The following ADAM32 variants were observed in gnomAD, a reference collection of about 807,000 sequenced individuals.
The protein encoded by ADAM32 is disintegrin and metalloproteinase domain-containing protein 32.
ADAM32 carries 89 observed loss-of-function variants against 114.9 expected under a neutral mutation model. That is an observed-to-expected ratio of 0.77 (90% CI 0.65 to 0.92). The LOEUF (loss-of-function observed/expected upper bound fraction) is 0.92, where lower values mean the gene tolerates loss of function less well. ADAM32 is among the 40% of genes least tolerant of loss of function. The pLI is 0.00. For missense variants in ADAM32, 870 were observed against 932.8 expected, an observed-to-expected ratio of 0.93 and a Z score of 0.88; for synonymous variants, 285 against 307.5, an observed-to-expected ratio of 0.93 and a Z score of 0.77.
intron 6 of ADAM32, among the ~76,000 whole-genome samples, chr8:39,154,802 CT>C (rs894376155): frequency 2.0e-5 from 3 of 149,710 alleles, no homozygotes; most frequent in African/African-American, 7.4e-5. Context: ...GGATGATGAG[CT>C]TTTTTTTTCA....
rs934460943 is a variant in ADAM32 at position 39,275,986 on chromosome 8, T to C, written c.2279+120T>C. Reference sequence around the variant, plus strand: ...AACTGAGTAGCCACAATTAGTAAAGTACTGTACCTTAAAACAACCTATTTG... The same window carrying C: ...AACTGAGTAGCCACAATTAGTAAAGCACTGTACCTTAAAACAACCTATTTG... On this transcript the variant is annotated intron_variant, in intron 22 of 24. Transcript: ENST00000379907. 1.9e-5 allele frequency: 17 copies of C among 890,612 alleles called. No homozygotes were observed. The African/African-American group carries it at 2.1e-4, about 11-fold the overall frequency. 55.2% of individuals were successfully genotyped at this position (890,612 alleles called of 1,614,324 possible). A position where few individuals can be genotyped will look rare whatever the true frequency, so the allele number is the denominator to read the frequency against.
rs1247207999 is a variant in ADAM32, at chr8:39,223,136, A to C, written c.1423A>C (p.Ile475Leu). ...NGTSPECGPDITLINGLSCKN... is the reference protein window; with the variant it reads ...NGTSPECGPDLTLINGLSCKN... ...AACCTCACCAGAATGTGGTCCTGAC[A>C]TAACTTTAATCAATGGACTTTCATG... Residue 475 changes from isoleucine to leucine, a missense_variant, in exon 14 of 25, where the codon ATA becomes CTA. Transcript: ENST00000379907. The C allele has an allele frequency of 4.4e-6, 7 of 1,599,536 alleles. No individual in the cohort carries two copies. The highest frequency in any genetic ancestry group is 6.0e-6 in the Non-Finnish European group (7 of 1,173,058).
At chr8:39,191,645 A>G (rs1806619142) in intron 11 of ADAM32, among the ~76,000 whole-genome samples, 1 of 152,122 alleles carries the variant, frequency 6.6e-6, no homozygotes, top group Admixed American at 6.5e-5. Flanking sequence ...GATGCTGGAT[A>G]TTAGACCTTT....
intron 11 of ADAM32, 42 bp from the exon 12 acceptor site, chr8:39,211,102 C>A: frequency 7.4e-7 from 1 of 1,344,708 alleles, no homozygotes. Flanking sequence ...AATGTGTTTC[C>A]AGAAGTATAC....
intron 19 of ADAM32, among the ~76,000 whole-genome samples, chr8:39,269,146 C>CT (rs1812552095): frequency 1.3e-5 from 2 of 152,192 alleles, no homozygotes; most frequent in Admixed American, 6.5e-5. Context: ...GTGTTCTGCC[C>CT]TGTGAACCCT....
chr8:39,222,593 T>TGGGA (rs1809049613), intron 13 of ADAM32, among the ~76,000 whole-genome samples: 1 of 152,150 alleles, frequency 6.6e-6, no homozygotes. Context: ...GCATTTTTAA[T>TGGGA]AACACTTCTG....
In ADAM32 at chr8:39,126,122, G is replaced by A. The variant is rs138735528; in HGVS notation, c.138+7957G>A. The stretch of plus-strand genomic sequence containing the variant: ...GCCTTCAGCTTCGTTCTTCTTGCTC[G>A]AGTTCGGGTCTTGGCTATTTGGGCT... On this transcript the variant is annotated intron_variant, in intron 2 of 24. Coordinates refer to ENST00000379907, the MANE Select transcript of ADAM32 (RefSeq NM_145004.7). Among the ~76,000 whole-genome samples the A allele has an allele frequency of 1.6e-3, 248 of 151,910 alleles. 2 individuals are homozygous for A. Among genetic ancestry groups the A allele is most frequent in the African/African-American group, 5.8e-3 (239 of 41,502 alleles).
rs553443838 is a variant in ADAM32 at position 39,283,867 on chromosome 8, G to A, written c.2357+243G>A. ...CAGCTCACTGCAACCTCAGCCTCCC[G>A]CGTTCAAGCGATTCTCCTGCCTCAG... On this transcript the variant is annotated intron_variant, in intron 24 of 24. Transcript: ENST00000379907. Among the ~76,000 whole-genome samples the A allele has an allele frequency of 2.1e-4, 31 of 147,020 alleles. 1 individual carries two copies. The highest frequency in any genetic ancestry group is 6.6e-4 in the South Asian group (3 of 4,556).
At chr8:39,227,227 C>T (rs1240995766) in intron 14 of ADAM32, among the ~76,000 whole-genome samples, 1 of 152,190 alleles carries the variant, frequency 6.6e-6, no homozygotes, top group Non-Finnish European at 1.5e-5. Context: ...TCCCTTCCTC[C>T]TCTCCTGAAC....
chr8:39,201,350 G>A (rs185190177), intron 11 of ADAM32, among the ~76,000 whole-genome samples: 60 of 152,260 alleles, frequency 3.9e-4, no homozygotes, highest in African/African-American at 1.4e-3. Context: ...CACATCCCCT[G>A]TAAGTTGGAT....
chr8:39,270,067 G>A lies in ADAM32; in HGVS notation c.2163-809G>A, dbSNP rs564173044. On this transcript the variant is annotated intron_variant, in intron 19 of 24. Transcript: ENST00000379907. ...GAAAGGCATGGGGGAAACCACTACC[G>A]TGATTCAATTACTTCCACCTGGTCT... is the stretch of plus-strand genomic sequence containing the variant. 1.3e-4 allele frequency among the ~76,000 whole-genome samples: 20 copies of A among 152,298 alleles called. No individual in the cohort carries two copies. The East Asian group carries it at 2.7e-3, about 21-fold the overall frequency.
intron 1 of ADAM32, among the ~76,000 whole-genome samples, chr8:39,115,588 G>T (rs77981639): frequency 0.036 from 5,055 of 142,032 alleles, 292 homozygotes; most frequent in African/African-American, 0.12. Flanking sequence ...TTTTTAATGG[G>T]TTTTTTTTTT....
intron 2 of ADAM32, among the ~76,000 whole-genome samples, chr8:39,134,644 T>C (rs573788320): frequency 6.6e-6 from 1 of 152,304 alleles, no homozygotes; most frequent in South Asian, 2.1e-4. Flanking sequence ...TAGTAAATTA[T>C]CTCATGGCCT....
chr8:39,238,879 A>T (rs1010533138), intron 16 of ADAM32, among the ~76,000 whole-genome samples: 1 of 151,988 alleles, frequency 6.6e-6, no homozygotes, highest in African/African-American at 2.4e-5. Flanking sequence ...CAAAAAAAAT[A>T]AAAAATAAAA....
chr8:39,197,954 C>T (rs1807120939), intron 11 of ADAM32, among the ~76,000 whole-genome samples: 2 of 152,082 alleles, frequency 1.3e-5, no homozygotes, highest in Non-Finnish European at 2.9e-5. Context: ...GGGTCTATTT[C>T]TCTGTTTACT....
chr8:39,152,710 G>A (rs1249425474), intron 6 of ADAM32, among the ~76,000 whole-genome samples: 1 of 141,916 alleles, frequency 7.0e-6, no homozygotes. Context: ...GACAGGGCAA[G>A]ACTCCATCTC....
intron 22 of ADAM32, among the ~76,000 whole-genome samples, chr8:39,276,565 C>G (rs936059821): frequency 1.3e-5 from 2 of 152,138 alleles, no homozygotes; most frequent in African/African-American, 4.8e-5. Flanking sequence ...GCTCCAAGCC[C>G]ACTGCTGTTC....
chr8:39,218,973 T>C (rs1345099848), intron 12 of ADAM32, among the ~76,000 whole-genome samples: 1 of 151,954 alleles, frequency 6.6e-6, no homozygotes, highest in African/African-American at 2.4e-5. Flanking sequence ...GTTTAGTGAG[T>C]AGGTGATTGA....
At chr8:39,250,673 C>T (rs1811230061) in intron 17 of ADAM32, among the ~76,000 whole-genome samples, 1 of 151,858 alleles carries the variant, frequency 6.6e-6, no homozygotes, top group South Asian at 2.1e-4. Flanking sequence ...TGTCTTTATG[C>T]TAAAACATTT....
Sources: allele counts gnomAD v4.1 joint callset (sites outside exome capture counted in the v4.1 genomes callset), GRCh38; gene constraint gnomAD v4.1.1; transcripts MANE v1.5; gene names NCBI Gene and HGNC (gene_info 2026-07-23, HGNC 2026-07-21).